FUT8: variants seen among roughly 807,000 people sequenced by gnomAD.
FUT8 encodes alpha-(1,6)-fucosyltransferase.
A neutral mutation model predicts 71.3 loss-of-function variants in FUT8; 29 were observed. That is an observed-to-expected ratio of 0.41 (90% CI 0.30 to 0.55). The LOEUF (loss-of-function observed/expected upper bound fraction) is 0.55, where lower values mean the gene tolerates loss of function less well. Ranked by LOEUF, FUT8 falls within the 20% of genes least tolerant of loss-of-function variation. The probability of loss-of-function intolerance (pLI) is 0.34; values close to 1 mark genes in which losing one functional copy is unlikely to be tolerated. For missense variants in FUT8, 544 were observed against 702.1 expected, an observed-to-expected ratio of 0.77 and a Z score of 2.55; for synonymous variants, 254 against 239.3, an observed-to-expected ratio of 1.06 and a Z score of -0.57.
At chr14:65,415,802 C>T (rs2065212308) in intron 1 of FUT8, among the ~76,000 whole-genome samples, 1 of 151,844 alleles carries the variant, frequency 6.6e-6, no homozygotes, top group Admixed American at 6.6e-5. Flanking sequence ...TGCAGTGCGT[C>T]CAGCTGATCT....
chr14:65,733,131 T>C, intron 9 of FUT8, 100 bp from the exon 10 acceptor site: 1 of 692,442 alleles, frequency 1.4e-6, no homozygotes, highest in East Asian at 2.9e-5. Context: ...TAATTAAAGG[T>C]CTCCTTTCTG....
intron 7 of FUT8, among the ~76,000 whole-genome samples, chr14:65,705,037 A>G (rs1288931074): frequency 6.6e-6 from 1 of 152,240 alleles, no homozygotes; most frequent in African/African-American, 2.4e-5. Flanking sequence ...GCTAATTCTT[A>G]AGAATGTTGC....
intron 1 of FUT8, among the ~76,000 whole-genome samples, chr14:65,426,081 T>C (rs2065382444): frequency 6.6e-6 from 1 of 152,140 alleles, no homozygotes; most frequent in East Asian, 1.9e-4. Context: ...TTACTCATCC[T>C]GAATAACCCT....
At chr14:65,567,874 A>G (rs1455762084) in intron 3 of FUT8, among the ~76,000 whole-genome samples, 3 of 151,858 alleles carry the variant, frequency 2.0e-5, no homozygotes. Context: ...TGAGCTGTTT[A>G]TTTATGATTT....
intron 1 of FUT8, among the ~76,000 whole-genome samples, chr14:65,439,954 GTATATATATATATA>G (rs60534547): frequency 0.013 from 958 of 74,988 alleles, 66 homozygotes; most frequent in African/African-American, 0.037. Flanking sequence ...GTGTGTGTGT[GTATATATATATATA>G]TATATATATA....
intron 9 of FUT8, among the ~76,000 whole-genome samples, chr14:65,729,347 T>C (rs1053114485): frequency 2.6e-5 from 4 of 152,016 alleles, no homozygotes; most frequent in Non-Finnish European, 5.9e-5. Context: ...TACATACATA[T>C]ACGCTGTACA....
At chr14:65,455,437 T>G (rs1220634072) in intron 1 of FUT8, among the ~76,000 whole-genome samples, 184 bp from the exon 2 acceptor site, 1 of 152,206 alleles carries the variant, frequency 6.6e-6, no homozygotes, top group Non-Finnish European at 1.5e-5. Flanking sequence ...ATTTGCAAAA[T>G]GAAAACCCAT....
chr14:65,644,419 T>C (rs530949326), intron 6 of FUT8, among the ~76,000 whole-genome samples: 1 of 152,122 alleles, frequency 6.6e-6, no homozygotes, highest in African/African-American at 2.4e-5. Flanking sequence ...GCCTCCCGAC[T>C]AGCTGGGACT....
intron 3 of FUT8, among the ~76,000 whole-genome samples, chr14:65,592,605 T>A (rs1887752221): frequency 6.6e-6 from 1 of 152,174 alleles, no homozygotes; most frequent in Non-Finnish European, 1.5e-5. Flanking sequence ...AATAGCCTAG[T>A]TCTGTCTAAT....
chr14:65,439,954 G>GTGTGTGTGTA, intron 1 of FUT8, among the ~76,000 whole-genome samples: 8 of 74,966 alleles, frequency 1.1e-4, no homozygotes, highest in South Asian at 1.2e-3. Context: ...GTGTGTGTGT[G>GTGTGTGTGTA]TATATATATA....
chr14:65,640,365 G>A (rs999054184), intron 6 of FUT8, among the ~76,000 whole-genome samples: 53 of 152,050 alleles, frequency 3.5e-4, no homozygotes, highest in Middle Eastern at 3.4e-3. Context: ...TTATTACTTA[G>A]TTGAATTTCT....
chr14:65,468,829 C>A (rs2066089081), intron 2 of FUT8, among the ~76,000 whole-genome samples: 1 of 152,062 alleles, frequency 6.6e-6, no homozygotes, highest in Non-Finnish European at 1.5e-5. Flanking sequence ...GGATCTCACT[C>A]TGTCACCCTG....
At chr14:65,641,147 C>T (rs1890809787) in intron 6 of FUT8, among the ~76,000 whole-genome samples, 1 of 152,184 alleles carries the variant, frequency 6.6e-6, no homozygotes, top group Non-Finnish European at 1.5e-5. Flanking sequence ...CTGAAGTGTG[C>T]TCATGTCCGT....
chr14:65,379,392 A>G, the FUT8 span, among the ~76,000 whole-genome samples: 1 of 152,028 alleles, frequency 6.6e-6, no homozygotes, highest in African/African-American at 2.4e-5. Context: ...CTAGCTGGGC[A>G]TGGTGGTGCA....
intron 3 of FUT8, among the ~76,000 whole-genome samples, chr14:65,575,572 C>T (rs576091623): frequency 1.8e-3 from 5 of 2,716 alleles, no homozygotes; most frequent in African/African-American, 2.4e-3. Context: ...CCCTTCTTTC[C>T]TTCCTTCCTT....
chr14:65,547,222 GTTGT>G (rs1037927685), intron 2 of FUT8, among the ~76,000 whole-genome samples: 1 of 150,054 alleles, frequency 6.7e-6, no homozygotes, highest in African/African-American at 2.4e-5. Context: ...ATTTTTCTTT[GTTGT>G]TTATCGGTTT....
intron 1 of FUT8, among the ~76,000 whole-genome samples, chr14:65,432,887 A>G (rs1000501206): frequency 2.0e-5 from 3 of 152,102 alleles, no homozygotes; most frequent in African/African-American, 4.8e-5. Flanking sequence ...TAGGCAACCA[A>G]CAGCCCCCGA....
chr14:65,447,970 T>G (rs1397363356), intron 1 of FUT8, among the ~76,000 whole-genome samples: 1 of 152,182 alleles, frequency 6.6e-6, no homozygotes, highest in Non-Finnish European at 1.5e-5. Context: ...CCTACCTAAA[T>G]TAGTGCAACT....
intron 2 of FUT8, among the ~76,000 whole-genome samples, chr14:65,482,104 G>C (rs185182660): frequency 1.1e-4 from 16 of 152,226 alleles, no homozygotes; most frequent in African/African-American, 3.6e-4. Flanking sequence ...TCTCCTGGAA[G>C]TTTTATGGTT....
Sources: gnomAD v4.1 joint callset for allele counts (sites outside exome capture counted in the v4.1 genomes callset) on GRCh38, gnomAD v4.1.1 for gene constraint, MANE v1.5 for transcripts, NCBI Gene and HGNC (gene_info 2026-07-23, HGNC 2026-07-21) for gene names.